Variants in AGL observed in about 807,000 individuals in gnomAD.
AGL encodes the protein amylo-alpha-1,6-glucosidase and 4-alpha-glucanotransferase, also known as glycogen debranching enzyme.
In AGL, 128 loss-of-function variants were observed where a neutral mutation model predicts 199.3. The ratio of observed to expected loss-of-function variants is 0.64; its 90% CI spans 0.56 to 0.74. The LOEUF is 0.74. AGL is among the 30% of genes least tolerant of loss of function. The pLI is 0.00. For missense variants in AGL, 1,809 were observed against 1,820.8 expected, an observed-to-expected ratio of 0.99 and a Z score of 0.12; for synonymous variants, 584 against 594.7, an observed-to-expected ratio of 0.98 and a Z score of 0.26.
intron 20 of AGL, among the ~76,000 whole-genome samples, chr1:99,885,952 G>A (rs746626814): frequency 6.6e-6 from 1 of 152,132 alleles, no homozygotes; most frequent in Non-Finnish European, 1.5e-5. Flanking sequence ...AGTCCCTGGT[G>A]CCAAAAAGGA....
Position 99,918,701 on chromosome 1 carries a change from A to T in AGL, c.4481+1970A>T, listed in dbSNP as rs1655307568. On this transcript the variant is annotated intron_variant, in intron 33 of 33. Transcript: ENST00000361915. ...GTGCTAGATTTTTGGTGTTTCTGTAAATGTTTTTGAGCTTTGTTTTGGAAT... is the reference window on the plus strand; with the variant it reads ...GTGCTAGATTTTTGGTGTTTCTGTATATGTTTTTGAGCTTTGTTTTGGAAT... Among the ~76,000 whole-genome samples, 7 of 152,090 alleles carry T rather than the reference A, an allele frequency of 4.6e-5. No homozygotes were observed. In the South Asian group the frequency reaches 1.5e-3, roughly 32 times the overall value.
At chr1:99,913,804 C>T in intron 30 of AGL, 66 bp downstream of exon 30, 3 of 1,472,210 alleles carry the variant, frequency 2.0e-6, no homozygotes, top group Non-Finnish European at 2.8e-6. Context: ...GTTCCTTATT[C>T]CCATTTGTTT....
chr1:99,874,990 C>G (rs533462782), intron 8 of AGL, among the ~76,000 whole-genome samples, 164 bp from the exon 9 acceptor site: 4 of 152,222 alleles, frequency 2.6e-5, no homozygotes, highest in Non-Finnish European at 5.9e-5. Context: ...GGCCATGTTT[C>G]TATATGTGTA....
chr1:99,871,497 TAA>T (rs1464099813), intron 7 of AGL, among the ~76,000 whole-genome samples: 4 of 150,436 alleles, frequency 2.7e-5, no homozygotes, highest in Non-Finnish European at 4.4e-5. Flanking sequence ...AAAGGATTAT[TAA>T]GAGTCTATCT....
Position 99,896,326 on chromosome 1 carries a change from A to C in AGL, c.3300A>C (p.Gly1100=), listed in dbSNP as rs2100803771. The C allele has an allele frequency of 6.2e-7, 1 of 1,613,632 alleles. No homozygotes were observed. Among genetic ancestry groups the C allele is most frequent in the African/African-American group, 1.3e-5 (1 of 74,830 alleles). Residue 1100 remains glycine, a synonymous_variant, in exon 25 of 34, where the codon GGA becomes GGC. Transcript: ENST00000361915. ...CTTCTGGTATTTTCCGCTGCTGGGG[A>C]AGGGATACTTTTATTGCACTTAGAG... ...HFSSGIFRCW[G]RDTFIALRGI...
chr1:99,876,375 A>C, intron 10 of AGL, 83 bp from the exon 11 acceptor site: 1 of 1,052,620 alleles, frequency 9.5e-7, no homozygotes, highest in Non-Finnish European at 1.4e-6. Context: ...ATTAGAAAAG[A>C]AGTTTAGTTT....
intron 2 of AGL, among the ~76,000 whole-genome samples, chr1:99,856,591 G>A (rs536392840): frequency 2.5e-4 from 38 of 152,128 alleles, no homozygotes; most frequent in African/African-American, 8.9e-4. Flanking sequence ...GGACCCTGCG[G>A]CCTTCCACAG....
intron 10 of AGL, among the ~76,000 whole-genome samples, chr1:99,876,207 G>A (rs903968511): frequency 1.3e-5 from 2 of 152,100 alleles, no homozygotes; most frequent in Admixed American, 1.3e-4. Context: ...ATTTTATGAA[G>A]TTTTAAAAAT....
rs1268881357 is a variant in AGL at position 99,913,532 on chromosome 1, G to A, written c.3955G>A (p.Ala1319Thr). Residue 1319 changes from alanine to threonine, a missense_variant, in exon 30 of 34, where the codon GCT becomes ACT. Transcript: ENST00000361915. ...TGTCTTATGTCATTTTTCAGGAAAG[G>A]CTATAAAGGTCTCATATGATGAGTG... ...HEVTVKRHGK[A>T]IKVSYDEWNR... The A allele has an allele frequency of 1.2e-6, 2 of 1,611,574 alleles. No homozygotes were observed. Among genetic ancestry groups the A allele is most frequent in the Non-Finnish European group, 1.7e-6 (2 of 1,178,184 alleles).
rs2101136921 is a variant in AGL, at chr1:99,877,809, C to G, written c.1592C>G (p.Thr531Arg). ...GTACGTCTTGATAACTGCCACTCAA[C>G]ACCTCTTCACGTAGCTGAGGTACAG... Reference protein sequence around the residue: ...QGVRLDNCHSTPLHVAEYMLD... With the variant: ...QGVRLDNCHSRPLHVAEYMLD... The change falls in exon 12 of 34, where the codon ACA (threonine) becomes AGA (arginine). Residue 531 changes from threonine to arginine, a missense_variant. Transcript: ENST00000361915. 6.2e-7 allele frequency: 1 copy of G among 1,614,038 alleles called. No individual in the cohort carries two copies. Among genetic ancestry groups the G allele is most frequent in the South Asian group, 1.1e-5 (1 of 91,078 alleles).
rs1366861282 is a variant in AGL at position 99,902,687 on chromosome 1, A to G, written c.3593A>G (p.Gln1198Arg). Residue 1198 changes from glutamine (Q) to arginine (R), a missense_variant, in exon 27 of 34, where the codon CAG (glutamine) becomes CGG (arginine). Coordinates refer to ENST00000361915, the MANE Select transcript of AGL (RefSeq NM_000642.3). Reference protein sequence around the residue: ...SAPLPAGTLDQPLFEVIQEAM... With the variant: ...SAPLPAGTLDRPLFEVIQEAM... ...CACCCATTATGTCTCAAACAGGATC[A>G]GCCATTGTTTGAAGTCATACAGGAA... The G allele has an allele frequency of 6.2e-7, 1 of 1,610,474 alleles. No homozygotes were observed.
chr1:99,857,867 CTCTTT>C (rs566951724), intron 2 of AGL, among the ~76,000 whole-genome samples: 1,500 of 62,964 alleles, frequency 0.024, 25 homozygotes, highest in Middle Eastern at 0.19. Context: ...AGGGAGAGGG[CTCTTT>C]TCTTTTCTCT....
chr1:99,864,122 A>G (rs374271295), intron 4 of AGL, among the ~76,000 whole-genome samples: 1 of 152,188 alleles, frequency 6.6e-6, no homozygotes, highest in African/African-American at 2.4e-5. Flanking sequence ...TCTAATAGGC[A>G]GTGTGTGTGA....
At chr1:99,900,945 T>A in intron 26 of AGL, 84 bp downstream of exon 26, 1 of 1,205,530 alleles carries the variant, frequency 8.3e-7, no homozygotes, top group Non-Finnish European at 1.2e-6. Flanking sequence ...AAAATAAGGG[T>A]AATTAAGAAT....
rs1428180477 is a variant in AGL at position 99,883,589 on chromosome 1, AATTCATTTTAATAAAACT to A, written c.2309-530_2309-513del. Reference sequence around the variant, plus strand: ...GCAAGTTGCAAATATATATAACTTCAATTCATTTTAATAAAACTTGGAAATAGGGAAAATAATATATGT... The same window carrying A: ...GCAAGTTGCAAATATATATAACTTCATGGAAATAGGGAAAATAATATATGT... On this transcript the variant is annotated intron_variant, in intron 17 of 33. Transcript: ENST00000361915. Among the ~76,000 whole-genome samples the A allele has an allele frequency of 2.0e-5, 3 of 152,152 alleles. No homozygotes were observed. In the South Asian group the frequency reaches 6.2e-4, roughly 31 times the overall value.
chr1:99,886,200 G>A (rs899935802), intron 20 of AGL, among the ~76,000 whole-genome samples: 2 of 152,214 alleles, frequency 1.3e-5, no homozygotes, highest in Admixed American at 1.3e-4. Context: ...ACCTGGCTGA[G>A]TGCAGTGGCT....
At chr1:99,860,392 A>G (rs1430379519) in intron 2 of AGL, among the ~76,000 whole-genome samples, 2 of 152,130 alleles carry the variant, frequency 1.3e-5, no homozygotes, top group African/African-American at 2.4e-5. Flanking sequence ...CCCATTATTA[A>G]TTGAAAGTTA....
At chr1:99,857,639 G>A (rs1318484377) in intron 2 of AGL, among the ~76,000 whole-genome samples, 2 of 151,288 alleles carry the variant, frequency 1.3e-5, no homozygotes, top group African/African-American at 4.9e-5. Context: ...GCGAAACCCC[G>A]TCTCCACCAA....
chr1:99,869,067 C>T (rs551338427), intron 5 of AGL, among the ~76,000 whole-genome samples: 1 of 152,276 alleles, frequency 6.6e-6, no homozygotes, highest in Non-Finnish European at 1.5e-5. Context: ...TCAGGTGATA[C>T]TCCCTCCTCA....
Sources: gnomAD v4.1 joint callset for allele counts (sites outside exome capture counted in the v4.1 genomes callset) on GRCh38, gnomAD v4.1.1 for gene constraint, MANE v1.5 for transcripts, NCBI Gene and HGNC (gene_info 2026-07-23, HGNC 2026-07-21) for gene names.